The following GPLD1 variants were observed in gnomAD, a reference collection of about 807,000 sequenced individuals.
The protein encoded by GPLD1 is phosphatidylinositol-glycan-specific phospholipase D.
A neutral mutation model predicts 112.6 loss-of-function variants in GPLD1; 84 were observed. That is an observed-to-expected ratio of 0.75 (90% CI 0.63 to 0.89). The LOEUF is 0.89. Ranked by LOEUF, GPLD1 falls within the 40% of genes least tolerant of loss-of-function variation. The probability of loss-of-function intolerance (pLI) is 0.00; values close to 1 mark genes in which losing one functional copy is unlikely to be tolerated. For missense variants in GPLD1, 1,044 were observed against 1,051.5 expected, an observed-to-expected ratio of 0.99 and a Z score of 0.10; for synonymous variants, 386 against 403.8, an observed-to-expected ratio of 0.96 and a Z score of 0.53.
chr6:24,476,270 G>T lies in GPLD1; in HGVS notation c.241C>A (p.His81Asn). Residue 81 changes from histidine to asparagine, a missense_variant, in exon 4 of 25, where the codon CAT (histidine) becomes AAT (asparagine). By Grantham distance (68) the His-to-Asn change is moderately conservative. Transcript: ENST00000230036. ...CAGTGAGTGCTCTCAGACACATCATGGAATTTTCCTGACAAAACAAAAGCA... is the reference window on the plus strand; with the variant it reads ...CAGTGAGTGCTCTCAGACACATCATTGAATTTTCCTGACAAAACAAAAGCA... ...YPSICKGGKF[H>N]DVSESTHWTP... 1 of 1,532,950 alleles carries T rather than the reference G, an allele frequency of 6.5e-7. No homozygotes were observed. Among genetic ancestry groups the T allele is most frequent in the Non-Finnish European group, 8.9e-7 (1 of 1,123,016 alleles). 95.0% of individuals were successfully genotyped at this position (1,532,950 alleles called of 1,614,324 possible). A position where few individuals can be genotyped will look rare whatever the true frequency, so the allele number is the denominator to read the frequency against.
chr6:24,469,493 T>C (rs1366805608), intron 7 of GPLD1, among the ~76,000 whole-genome samples: 4 of 90,604 alleles, frequency 4.4e-5, no homozygotes, highest in Non-Finnish European at 6.6e-5. Context: ...ATGGATGAAA[T>C]TGGAAACCAT....
rs181565296 is a variant in GPLD1 at position 24,453,012 on chromosome 6, C to A, written c.1335+1003G>T. 2.4e-4 allele frequency among the ~76,000 whole-genome samples: 36 copies of A among 152,110 alleles called. No homozygotes were observed. The East Asian group carries it at 6.6e-3, about 28-fold the overall frequency. ...CAGAGCTCTGTCTACCCCACCCCCC[C>A]ACGCTCCTCCTTATTGCTGTTACAA... On this transcript the variant is annotated intron_variant, in intron 14 of 24. Transcript: ENST00000230036.
chr6:24,429,172 C>T, intron 24 of GPLD1, 54 bp from the exon 25 acceptor site: 1 of 1,087,716 alleles, frequency 9.2e-7, no homozygotes, highest in Non-Finnish European at 1.4e-6. Context: ...CTATTGAGTT[C>T]CTATGGTAGT....
chr6:24,443,105 C>T lies in GPLD1; in HGVS notation c.2020+2441G>A, dbSNP rs146816836. 7.0e-4 allele frequency among the ~76,000 whole-genome samples: 107 copies of T among 152,218 alleles called. No individual in the cohort carries two copies. In the East Asian group the frequency reaches 0.017, roughly 24 times the overall value. ...GACTGCTATGGTTACTACTTGAGACCGTCATCACAGCAATTACTACTGTTA... is the reference window on the plus strand; with the variant it reads ...GACTGCTATGGTTACTACTTGAGACTGTCATCACAGCAATTACTACTGTTA... On this transcript the variant is annotated intron_variant, in intron 20 of 24. Coordinates refer to ENST00000230036, the MANE Select transcript of GPLD1 (RefSeq NM_001503.4).
intron 3 of GPLD1, among the ~76,000 whole-genome samples, chr6:24,479,229 C>G (rs1032913043): frequency 1.3e-5 from 2 of 152,164 alleles, no homozygotes; most frequent in African/African-American, 4.8e-5. Context: ...CTCCCCCACA[C>G]AGAAACATTC....
rs1173202272 is a variant in GPLD1 at position 24,437,308 on chromosome 6, C to T, written c.2021-19G>A. On this transcript the variant is annotated intron_variant, in intron 20 of 24. Transcript: ENST00000230036. ...ACGTCATCTGAAACGAACCACAGTTCCTGCTGGCCTCACAGAAAGGAAGGC... is the reference window on the plus strand; with the variant it reads ...ACGTCATCTGAAACGAACCACAGTTTCTGCTGGCCTCACAGAAAGGAAGGC... 6.2e-7 allele frequency: 1 copy of T among 1,608,298 alleles called. No homozygotes were observed. Among genetic ancestry groups the T allele is most frequent in the South Asian group, 1.1e-5 (1 of 90,744 alleles).
At chr6:24,482,574 C>T (rs1043256877) in intron 2 of GPLD1, among the ~76,000 whole-genome samples, 1 of 152,160 alleles carries the variant, frequency 6.6e-6, no homozygotes, top group Non-Finnish European at 1.5e-5. Context: ...AGCCACTGCG[C>T]CCAGATAATT....
At chr6:24,449,158 G>A (rs568639130) in intron 15 of GPLD1, among the ~76,000 whole-genome samples, 8 of 152,086 alleles carry the variant, frequency 5.3e-5, no homozygotes, top group African/African-American at 1.7e-4. Flanking sequence ...AGCAAAGGTC[G>A]CAAAGTGAGA....
chr6:24,460,444 A>C, intron 11 of GPLD1, 45 bp from the exon 12 acceptor site: 2 of 1,596,018 alleles, frequency 1.3e-6, no homozygotes, highest in African/African-American at 2.8e-5. Flanking sequence ...CTGAGAAAAC[A>C]ACCCCCTGTA....
chr6:24,471,217 G>C (rs937532742), intron 7 of GPLD1, among the ~76,000 whole-genome samples: 1 of 152,218 alleles, frequency 6.6e-6, no homozygotes, highest in Non-Finnish European at 1.5e-5. Flanking sequence ...TAACCCAAAG[G>C]GGGTGCAGTG....
At chr6:24,479,250 C>A (rs1764121871) in intron 3 of GPLD1, among the ~76,000 whole-genome samples, 1 of 152,172 alleles carries the variant, frequency 6.6e-6, no homozygotes, top group Non-Finnish European at 1.5e-5. Context: ...CAAACTCTCT[C>A]ACCAATAAAT....
chr6:24,425,602 G>T (rs965706506), downstream of GPLD1: 4 of 152,144 alleles, frequency 2.6e-5, no homozygotes, highest in African/African-American at 9.7e-5. Context: ...GAAGTTCCTT[G>T]GTTTTAAATT....
intron 20 of GPLD1, among the ~76,000 whole-genome samples, chr6:24,441,974 C>T (rs1321395429): frequency 1.3e-5 from 2 of 148,156 alleles, no homozygotes; most frequent in Admixed American, 6.8e-5. Context: ...GTTATATATA[C>T]ATTCATACAT....
rs2127319168 is a variant in GPLD1, at chr6:24,437,235, G to A, written c.2075C>T (p.Thr692Ile). 2.5e-6 allele frequency: 4 copies of A among 1,614,156 alleles called. No homozygotes were observed. The highest frequency in any genetic ancestry group is 3.4e-6 in the Non-Finnish European group (4 of 1,179,986). ...GTCAGATGTGAGTGCGTACATGCGAGTGGCTCCGCCTTGGTGTAGGGTCAC... is the reference window on the plus strand; with the variant it reads ...GTCAGATGTGAGTGCGTACATGCGAATGGCTCCGCCTTGGTGTAGGGTCAC... The part of the protein sequence containing the change: ...LTVTLHQGGA[T>I]RMYALTSDAQ... Residue 692 changes from threonine to isoleucine, a missense_variant, in exon 21 of 25, where the codon ACT (threonine) becomes ATT (isoleucine). Transcript: ENST00000230036.
chr6:24,437,433 G>A, intron 20 of GPLD1, 144 bp from the exon 21 acceptor site: 1 of 699,940 alleles, frequency 1.4e-6, no homozygotes, highest in Non-Finnish European at 2.4e-6. Context: ...CGGCAGTCAG[G>A]GAGGTACAAC....
At chr6:24,435,260 C>T (rs981307258) in intron 22 of GPLD1, among the ~76,000 whole-genome samples, 1 of 152,102 alleles carries the variant, frequency 6.6e-6, no homozygotes, top group Non-Finnish European at 1.5e-5. Flanking sequence ...ATCCGCCCGC[C>T]TCAGCCTCCC....
In GPLD1 at chr6:24,489,215, G is replaced by A. The variant is rs572568484; in HGVS notation, c.97+200C>T. Among the ~76,000 whole-genome samples, 4 of 152,124 alleles carry A rather than the reference G, an allele frequency of 2.6e-5. No homozygotes were observed. The East Asian group carries it at 7.7e-4, about 29-fold the overall frequency. On this transcript the variant is annotated intron_variant, in intron 1 of 24. Coordinates refer to ENST00000230036, the MANE Select transcript of GPLD1 (RefSeq NM_001503.4). ...GGGGCATCAGCTCTCTTTCTTATTT[G>A]CCCCTTAACTGAAGTCATGCTGCCA...
chr6:24,467,397 A>C, intron 7 of GPLD1, 123 bp from the exon 8 acceptor site: 2 of 642,760 alleles, frequency 3.1e-6, no homozygotes, highest in Non-Finnish European at 5.6e-6. Flanking sequence ...AAAAGTCTTT[A>C]CATGCACCAG....
At chr6:24,429,187 G>T in intron 24 of GPLD1, 69 bp from the exon 25 acceptor site, 2 of 943,450 alleles carry the variant, frequency 2.1e-6, no homozygotes, top group Non-Finnish European at 3.4e-6. Flanking sequence ...GGTAGTCCAG[G>T]CATCATGCTA....
Sources: gnomAD v4.1 joint callset for allele counts (sites outside exome capture counted in the v4.1 genomes callset) on GRCh38, gnomAD v4.1.1 for gene constraint, MANE v1.5 for transcripts, NCBI Gene and HGNC (gene_info 2026-07-23, HGNC 2026-07-21) for gene names.